MYO10: variants seen among roughly 807,000 people sequenced by gnomAD.
MYO10 encodes the protein unconventional myosin-X.
In MYO10, 133 loss-of-function variants were observed where a neutral mutation model predicts 257.3. The ratio of observed to expected loss-of-function variants is 0.52; its 90% confidence interval spans 0.45 to 0.60. MYO10 has a LOEUF of 0.60. Ranked by LOEUF, MYO10 falls within the 20% of genes least tolerant of loss-of-function variation. The pLI is 0.00. For missense variants in MYO10, 2,399 were observed against 2,635.7 expected, an observed-to-expected ratio of 0.91 and a Z score of 1.97; for synonymous variants, 1,104 against 1,028.6, an observed-to-expected ratio of 1.07 and a Z score of -1.40.
At position 16,740,335 on chromosome 5, in the gene MYO10, G is replaced by A. The variant is rs1192681701; in HGVS notation, c.1929+14493C>T. On this transcript the variant is annotated intron_variant, in intron 19 of 40. Coordinates refer to ENST00000513610, the MANE Select transcript of MYO10 (RefSeq NM_012334.3). ...GCCCGTGAAAACGTTAATTCAGGGC[G>A]GCTAATGCTTAGAGGGGAAAAAAAA... 3.3e-5 allele frequency among the ~76,000 whole-genome samples: 5 copies of A among 152,174 alleles called. No homozygotes were observed. In the East Asian group the frequency reaches 5.8e-4, roughly 18 times the overall value.
chr5:16,752,136 C>A (rs1281141454), intron 19 of MYO10, among the ~76,000 whole-genome samples: 1 of 152,154 alleles, frequency 6.6e-6, no homozygotes, highest in African/African-American at 2.4e-5. Flanking sequence ...AAAGTTTCTA[C>A]TTTATTATAG....
At chr5:16,771,164 T>C (rs921336730) in intron 9 of MYO10, among the ~76,000 whole-genome samples, 1 of 152,142 alleles carries the variant, frequency 6.6e-6, no homozygotes, top group Non-Finnish European at 1.5e-5. Context: ...GACATATACA[T>C]GAGCGATAAA....
At chr5:16,699,643 G>A in intron 25 of MYO10, 70 bp from the exon 26 acceptor site, 1 of 1,594,514 alleles carries the variant, frequency 6.3e-7, no homozygotes, top group Non-Finnish European at 8.6e-7. Flanking sequence ...TACCCAGCAT[G>A]TATCATCATT....
intron 21 of MYO10, among the ~76,000 whole-genome samples, chr5:16,705,887 T>C (rs934060009): frequency 6.6e-6 from 1 of 152,028 alleles, no homozygotes; most frequent in African/African-American, 2.4e-5. Context: ...ATATATACAA[T>C]ATATATTCTG....
intron 27 of MYO10, among the ~76,000 whole-genome samples, chr5:16,693,288 A>G (rs1194657418): frequency 2.0e-5 from 3 of 152,138 alleles, no homozygotes; most frequent in Non-Finnish European, 4.4e-5. Context: ...TGATCTATAG[A>G]CAGATGAGGA....
intron 2 of MYO10, among the ~76,000 whole-genome samples, chr5:16,830,721 C>T (rs1019891270): frequency 2.1e-5 from 2 of 95,906 alleles, no homozygotes; most frequent in Admixed American, 2.3e-4. Context: ...TACTCTTGGG[C>T]CTTCATTCTA....
intron 2 of MYO10, among the ~76,000 whole-genome samples, chr5:16,858,108 C>T (rs553192454): frequency 1.8e-4 from 28 of 152,166 alleles, no homozygotes; most frequent in Non-Finnish European, 3.8e-4. Flanking sequence ...TTCCACAAGA[C>T]GCTACCTGCT....
At chr5:16,679,359 C>T (rs1248061295) in intron 33 of MYO10, among the ~76,000 whole-genome samples, 1 of 152,206 alleles carries the variant, frequency 6.6e-6, no homozygotes, top group Non-Finnish European at 1.5e-5. Context: ...AAGCTGCAGA[C>T]CTCATCCTTC....
intron 19 of MYO10, among the ~76,000 whole-genome samples, chr5:16,735,132 G>T (rs1236057637): frequency 1.3e-5 from 2 of 152,176 alleles, no homozygotes; most frequent in African/African-American, 4.8e-5. Context: ...TTTTACTCCA[G>T]AAATGTTGAA....
chr5:16,761,124 G>A (rs1471614929), intron 17 of MYO10, among the ~76,000 whole-genome samples: 1 of 152,060 alleles, frequency 6.6e-6, no homozygotes, highest in Non-Finnish European at 1.5e-5. Context: ...CCAAGTAGCT[G>A]GGATTACAGG....
intron 2 of MYO10, among the ~76,000 whole-genome samples, chr5:16,819,905 A>C (rs1469657782): frequency 6.6e-6 from 1 of 152,210 alleles, no homozygotes; most frequent in Non-Finnish European, 1.5e-5. Context: ...AGTCCTGAGA[A>C]ACTGCTCGAG....
chr5:16,922,107 G>A (rs907624132), intron 1 of MYO10, among the ~76,000 whole-genome samples: 3 of 151,906 alleles, frequency 2.0e-5, no homozygotes, highest in East Asian at 3.9e-4. Context: ...CCAGCTACTC[G>A]GGAGGCTGAG....
rs770411320 is a variant in MYO10 at position 16,817,993 on chromosome 5, T to C, written c.279+16A>G. 107 of 1,504,090 alleles carry C rather than the reference T, an allele frequency of 7.1e-5. No homozygotes were observed. The highest frequency in any genetic ancestry group is 1.5e-5 in the Non-Finnish European group (17 of 1,110,886). 93.2% of individuals were successfully genotyped at this position (1,504,090 alleles called of 1,614,324 possible). On this transcript the variant is annotated intron_variant, in intron 3 of 40. Transcript: ENST00000513610. The stretch of plus-strand genomic sequence containing the variant: ...AACGTGAGGATCTTTTTAAAGGAAT[T>C]ACAAGTGGAACTTACATATATTTGA...
rs564359695 is a variant in MYO10, at chr5:16,701,470, T to G, written c.2925A>C (p.Ala975=). The G allele has an allele frequency of 1.9e-6, 3 of 1,613,992 alleles. No homozygotes were observed. The highest frequency in any genetic ancestry group is 2.7e-5 in the African/African-American group (2 of 75,066). ...SEFSSELAES[A]CEEKPNFNFS... ...AGTTGAAGTTGGGCTTCTCCTCGCA[T>G]GCGCTCTCAGCCAGCTCGCTGGAAA... is the stretch of plus-strand genomic sequence containing the variant. Residue 975 remains alanine (A), a synonymous_variant, in exon 25 of 41, where the codon GCA becomes GCC. Transcript: ENST00000513610. This position sits in a 1 kb window ranked among gnomAD's most constrained non-coding sequence, Gnocchi z 8.1.
intron 10 of MYO10, among the ~76,000 whole-genome samples, chr5:16,766,923 C>A (rs979013953): frequency 6.6e-6 from 1 of 151,722 alleles, no homozygotes; most frequent in Non-Finnish European, 1.5e-5. Flanking sequence ...CAGGGTTTCA[C>A]CATGTTGGCT....
rs1456119387 is a variant in MYO10 at position 16,824,075 on chromosome 5, C to T, written c.121-5908G>A. Among the ~76,000 whole-genome samples, 3 of 152,056 alleles carry T rather than the reference C, an allele frequency of 2.0e-5. No homozygotes were observed. The South Asian group carries it at 6.2e-4, about 32-fold the overall frequency. On this transcript the variant is annotated intron_variant, in intron 2 of 40. Coordinates refer to ENST00000513610, the MANE Select transcript of MYO10 (RefSeq NM_012334.3). ...GCAGAACAAAGGAAACTGATCAATA[C>T]GACTGAAAACATAACTTGGAGAAGG...
intron 1 of MYO10, among the ~76,000 whole-genome samples, chr5:16,892,017 T>C (rs888864112): frequency 1.3e-5 from 2 of 152,204 alleles, no homozygotes; most frequent in Non-Finnish European, 2.9e-5. Flanking sequence ...TCATTTGTAT[T>C]ATGGGAGGCA....
chr5:16,781,868 G>T (rs1460930541), intron 5 of MYO10, 39 bp from the exon 6 acceptor site: 1 of 1,610,674 alleles, frequency 6.2e-7, no homozygotes, highest in South Asian at 1.1e-5. Flanking sequence ...CATTAATAAG[G>T]GTGGGTCTGA....
intron 1 of MYO10, among the ~76,000 whole-genome samples, chr5:16,897,563 T>C (rs1471524947): frequency 6.6e-6 from 1 of 152,220 alleles, no homozygotes; most frequent in African/African-American, 2.4e-5. Context: ...CTGCTCTCTC[T>C]CACCAACACC....
Sources: gnomAD v4.1 joint callset for allele counts (sites outside exome capture counted in the v4.1 genomes callset) on GRCh38, gnomAD v4.1.1 for gene constraint, Gnocchi (gnomAD v3.1) non-coding constraint, MANE v1.5 for transcripts, NCBI Gene and HGNC (gene_info 2026-07-23, HGNC 2026-07-21) for gene names.